The following MAVS variants were observed in gnomAD, a reference collection of about 807,000 sequenced individuals.
MAVS encodes the protein mitochondrial antiviral signaling protein, also known as mitochondrial antiviral-signaling protein.
Under a neutral mutation model 30.2 loss-of-function variants are expected in MAVS, and 20 were observed. That is an observed-to-expected ratio of 0.66 (90% confidence interval 0.47 to 0.96). MAVS has a LOEUF of 0.96. Among genes scored for constraint, MAVS ranks in the 40% least tolerant of loss-of-function variants. The pLI is 0.00. For synonymous variants in MAVS, 278 were observed against 293.9 expected, an observed-to-expected ratio of 0.95 and a Z score of 0.55; for missense variants, 624 against 701.1, an observed-to-expected ratio of 0.89 and a Z score of 1.24.
At position 3,857,663 on chromosome 20, in the gene MAVS, C is replaced by A; in HGVS notation, c.146C>A (p.Ser49Ter). 1 of 1,614,028 alleles carries A rather than the reference C, an allele frequency of 6.2e-7. No individual in the cohort carries two copies. The highest frequency in any genetic ancestry group is 8.5e-7 in the Non-Finnish European group (1 of 1,179,924). ...QDRLRATCTL[S>*]GNRDTLWHLF... ...CGACTGCGGGCCACCTGCACACTCT[C>A]AGGGAACCGGGACACCCTCTGGCAT... The change falls in exon 3 of 7, where the codon TCA becomes TAA. Residue 49 changes from serine (S) to a stop codon, truncating the protein, a stop_gained. Transcript: ENST00000428216. LOFTEE classifies it high-confidence loss of function.
intron 1 of MAVS, among the ~76,000 whole-genome samples, chr20:3,848,987 T>A (rs2089734324): frequency 6.6e-6 from 1 of 152,168 alleles, no homozygotes; most frequent in Non-Finnish European, 1.5e-5. Context: ...GCCTCCTTAC[T>A]GGTCTCCCAG....
chr20:3,847,373 C>T (rs1321132049), intron 1 of MAVS, among the ~76,000 whole-genome samples: 1 of 152,168 alleles, frequency 6.6e-6, no homozygotes, highest in East Asian at 1.9e-4. Context: ...CTGGGTCGCG[C>T]CCAGGAATCC....
At position 3,854,657 on chromosome 20, in the gene MAVS, T is replaced by C. The variant is rs1414066294; in HGVS notation, c.33T>C (p.Tyr11=). 7 of 1,613,914 alleles carry C rather than the reference T, an allele frequency of 4.3e-6. No homozygotes were observed. The highest frequency in any genetic ancestry group is 5.9e-6 in the Non-Finnish European group (7 of 1,179,888). The change falls in exon 2 of 7, where the codon TAT becomes TAC. Residue 11 remains tyrosine, a synonymous_variant. Coordinates refer to ENST00000428216, the MANE Select transcript of MAVS (RefSeq NM_020746.5). MPFAEDKTYK[Y]ICRNFSNFCN... ...TTGCTGAAGACAAGACCTATAAGTATATCTGCCGCAATTTCAGCAATTTTT... is the reference window on the plus strand; with the variant it reads ...TTGCTGAAGACAAGACCTATAAGTACATCTGCCGCAATTTCAGCAATTTTT...
chr20:3,856,256 G>A (rs1184664603), intron 2 of MAVS, among the ~76,000 whole-genome samples: 1 of 151,300 alleles, frequency 6.6e-6, no homozygotes, highest in Non-Finnish European at 1.5e-5. Context: ...GGGTTTCACT[G>A]TGTTAGCCAG....
In MAVS at chr20:3,871,380, C is replaced by A. The variant is rs1007236272; in HGVS notation, c.*5233C>A. The A allele has an allele frequency of 6.5e-6, 1 of 153,762 alleles. No individual in the cohort carries two copies. The highest frequency in any genetic ancestry group is 6.6e-5 in the Admixed American group (1 of 15,250). The allele number at this position is 153,762 out of a possible 1,614,324, so 9.5% of individuals were successfully genotyped here. On this transcript the variant is annotated 3_prime_UTR_variant, in exon 7 of 7. Transcript: ENST00000428216. ...TTGAACCAGTTCAGAGTTGGAGTAG[C>A]GCAGGATCCTGTCTTCAGAGGAGGG...
At chr20:3,848,517 G>C (rs912580250) in intron 1 of MAVS, among the ~76,000 whole-genome samples, 5 of 152,248 alleles carry the variant, frequency 3.3e-5, no homozygotes, top group African/African-American at 1.2e-4. Context: ...GCCCCACGAG[G>C]AATGTAGCAG....
In MAVS at chr20:3,859,246, G is replaced by A. The variant is rs144316202; in HGVS notation, c.292+1437G>A. The stretch of plus-strand genomic sequence containing the variant: ...TCCCTGGCTGGGCACGGTGGCTCAC[G>A]CCTGTAATCCCAGCACTTTGGGAGG... On this transcript the variant is annotated intron_variant, in intron 3 of 6. Transcript: ENST00000428216. Among the ~76,000 whole-genome samples the A allele has an allele frequency of 6.3e-3, 946 of 151,184 alleles. 6 individuals carry two copies. Among genetic ancestry groups the A allele is most frequent in the Middle Eastern group, 0.014 (4 of 294 alleles).
intron 1 of MAVS, among the ~76,000 whole-genome samples, chr20:3,848,027 G>A (rs187504380): frequency 6.6e-6 from 1 of 152,296 alleles, no homozygotes; most frequent in East Asian, 1.9e-4. Flanking sequence ...TGTGGCTGAA[G>A]CTGGAATGCA....
intron 1 of MAVS, among the ~76,000 whole-genome samples, chr20:3,849,336 A>C (rs540923537): frequency 3.3e-5 from 5 of 151,566 alleles, no homozygotes; most frequent in African/African-American, 7.3e-5. Flanking sequence ...CAGCCTCCCG[A>C]GTAGCTGGGA....
In MAVS at chr20:3,866,628, T is replaced by C. The variant is rs527766595; in HGVS notation, c.*481T>C. On this transcript the variant is annotated 3_prime_UTR_variant, in exon 7 of 7. Transcript: ENST00000428216. ...ATCCTGGCAGCCCAGCCTGAGACCG[T>C]TGCATTGAGGCAGGCAGGAGCGGCA... is the stretch of plus-strand genomic sequence containing the variant. 2 of 355,068 alleles carry C rather than the reference T, an allele frequency of 5.6e-6. No individual in the cohort carries two copies. Among genetic ancestry groups the C allele is most frequent in the East Asian group, 7.4e-5 (1 of 13,486 alleles). The allele number at this position is 355,068 out of a possible 1,614,324, so 22.0% of individuals were successfully genotyped here.
rs986774613 is a variant in MAVS, at chr20:3,873,791, C to G, written c.*7644C>G. On this transcript the variant is annotated 3_prime_UTR_variant, in exon 7 of 7. Coordinates refer to ENST00000428216, the MANE Select transcript of MAVS (RefSeq NM_020746.5). Reference sequence around the variant, plus strand: ...AATTTTTTGTTGTTTACAAATTACCCAGGCTAAGGTGTTTCATTGTAACCT... The same window carrying G: ...AATTTTTTGTTGTTTACAAATTACCGAGGCTAAGGTGTTTCATTGTAACCT... The G allele has an allele frequency of 7.9e-6, 2 of 254,384 alleles. No homozygotes were observed. Among genetic ancestry groups the G allele is most frequent in the African/African-American group, 4.4e-5 (2 of 45,198 alleles). 15.8% of individuals were successfully genotyped at this position (254,384 alleles called of 1,614,324 possible).
rs58186808 is a variant in MAVS, at chr20:3,870,634, T to TAAAAAAAAA, written c.*4521_*4529dup. 5.4e-4 allele frequency: 16 copies of TAAAAAAAAA among 29,516 alleles called. 2 individuals are homozygous for TAAAAAAAAA. The highest frequency in any genetic ancestry group is 7.5e-4 in the African/African-American group (8 of 10,634). The allele number at this position is 29,516 out of a possible 1,614,324, so 1.8% of individuals were successfully genotyped here. ...GGGCAACAAAGCAAGACCCTATCTC[T>TAAAAAAAAA]AAAAAAAAAAAAAAAAAAAAAAAAA... On this transcript the variant is annotated 3_prime_UTR_variant, in exon 7 of 7. Transcript: ENST00000428216.
At position 3,864,305 on chromosome 20, in the gene MAVS, C is replaced by T; in HGVS notation, c.675C>T (p.Val225=). Residue 225 remains valine, a synonymous_variant, in exon 6 of 7, where the codon GTC becomes GTT. Transcript: ENST00000428216. The part of the protein sequence containing the change: ...TPSRGPVSPS[V]SFQPLARSTP... The stretch of plus-strand genomic sequence containing the variant: ...CCCGTGGGCCTGTGTCTCCATCTGT[C>T]TCCTTCCAGCCCCTGGCCCGTTCCA... 1 of 1,613,668 alleles carries T rather than the reference C, an allele frequency of 6.2e-7. No individual in the cohort carries two copies. Among genetic ancestry groups the T allele is most frequent in the Non-Finnish European group, 8.5e-7 (1 of 1,179,782 alleles).
intron 1 of MAVS, among the ~76,000 whole-genome samples, chr20:3,853,128 C>T (rs1223752719): frequency 4.1e-5 from 6 of 147,636 alleles, no homozygotes; most frequent in Non-Finnish European, 9.0e-5. Flanking sequence ...CGTGAGCCAC[C>T]GCGCCCGGGT....
chr20:3,850,057 T>C lies in MAVS; in HGVS notation c.-68+3154T>C, dbSNP rs545822788. On this transcript the variant is annotated intron_variant, in intron 1 of 6. Coordinates refer to ENST00000428216, the MANE Select transcript of MAVS (RefSeq NM_020746.5). ...ACTTTGGGAGGCCGAGGCGGGCAGA[T>C]CACGAGGTCAGGAGATCGAGACCAT... is the stretch of plus-strand genomic sequence containing the variant. 2.2e-4 allele frequency among the ~76,000 whole-genome samples: 33 copies of C among 151,294 alleles called. 1 individual carries two copies. Among genetic ancestry groups the C allele is most frequent in the African/African-American group, 8.0e-4 (33 of 41,202 alleles).
rs1311839845 is a variant in MAVS at position 3,864,743 on chromosome 20, G to A, written c.1113G>A (p.Lys371=). 5.6e-6 allele frequency: 9 copies of A among 1,614,130 alleles called. No homozygotes were observed. Among genetic ancestry groups the A allele is most frequent in the Non-Finnish European group, 6.8e-6 (8 of 1,180,052 alleles). ...SKVPTSMVLT[K]VSASTVPTDG... ...TGCCTACTAGCATGGTGCTCACCAAGGTGTCTGCCAGCACAGTCCCCACTG... is the reference window on the plus strand; with the variant it reads ...TGCCTACTAGCATGGTGCTCACCAAAGTGTCTGCCAGCACAGTCCCCACTG... Residue 371 remains lysine, a synonymous_variant, in exon 6 of 7, where the codon AAG becomes AAA. Transcript: ENST00000428216.
chr20:3,857,690 T>G lies in MAVS; in HGVS notation c.173T>G (p.Leu58Arg), dbSNP rs758631827. The change falls in exon 3 of 7, where the codon CTC becomes CGC. Residue 58 changes from leucine (L) to arginine (R), a missense_variant. Transcript: ENST00000428216. Reference sequence around the variant, plus strand: ...GGGAACCGGGACACCCTCTGGCATCTCTTCAATACCCTTCAGCGGCGGCCC... The same window carrying G: ...GGGAACCGGGACACCCTCTGGCATCGCTTCAATACCCTTCAGCGGCGGCCC... ...LSGNRDTLWH[L>R]FNTLQRRPGW... is the part of the protein sequence containing the mutation. The G allele has an allele frequency of 1.2e-6, 2 of 1,614,230 alleles. No homozygotes were observed. The highest frequency in any genetic ancestry group is 1.7e-6 in the Non-Finnish European group (2 of 1,180,028).
At chr20:3,854,812 C>A in intron 2 of MAVS, 71 bp downstream of exon 2, 2 of 1,068,702 alleles carry the variant, frequency 1.9e-6, no homozygotes, top group Non-Finnish European at 2.8e-6. Flanking sequence ...TCAGCCCCAT[C>A]CTAGTTCCTC....
In MAVS at chr20:3,872,433, GTC is replaced by G. The variant is rs2089962374; in HGVS notation, c.*6288_*6289del. The G allele has an allele frequency of 6.6e-6, 1 of 152,318 alleles. No homozygotes were observed. The highest frequency in any genetic ancestry group is 6.5e-5 in the Admixed American group (1 of 15,292). The allele number at this position is 152,318 out of a possible 1,614,324, so 9.4% of individuals were successfully genotyped here. A position where few individuals can be genotyped will look rare whatever the true frequency, so the allele number is the denominator to read the frequency against. ...AGCCTAGGCAACAGAGGGAGACCCT[GTC>G]TTTAAAGTACATAGAGGTTTTTCAC... is the stretch of plus-strand genomic sequence containing the variant. On this transcript the variant is annotated 3_prime_UTR_variant, in exon 7 of 7. Transcript: ENST00000428216.
Sources: gnomAD v4.1 joint callset for allele counts (sites outside exome capture counted in the v4.1 genomes callset) on GRCh38, gnomAD v4.1.1 for gene constraint, MANE v1.5 for transcripts, NCBI Gene and HGNC (gene_info 2026-07-23, HGNC 2026-07-21) for gene names.